RAB3D: variants seen among roughly 807,000 people sequenced by gnomAD.
RAB3D encodes RAB3D, member RAS oncogene family, also known as ras-related protein Rab-3D.
In RAB3D, 17 loss-of-function variants were observed where a neutral mutation model predicts 19.3. The ratio of observed to expected loss-of-function variants is 0.88; its 90% CI spans 0.60 to 1.32. The LOEUF (loss-of-function observed/expected upper bound fraction) is 1.32, where lower values mean the gene tolerates loss of function less well. RAB3D is among the 40% of genes most tolerant of loss of function. RAB3D has a pLI of 0.00. For synonymous variants in RAB3D, 103 were observed against 119.9 expected, an observed-to-expected ratio of 0.86 and a Z score of 0.92; for missense variants, 223 against 299.1, an observed-to-expected ratio of 0.75 and a Z score of 1.88.
In RAB3D at chr19:11,337,317, A is replaced by G. The variant is rs375338343; in HGVS notation, c.83T>C (p.Ile28Thr). ...AGTCTTGCCCACACTGCTGTTGCCT[A>G]TCAGTAGCAGTTTGAACATATAGTC... is the stretch of plus-strand genomic sequence containing the variant. ...NFDYMFKLLL[I>T]GNSSVGKTSF... The change falls in exon 2 of 5, where the codon ATA (isoleucine) becomes ACA (threonine). Residue 28 changes from isoleucine (I) to threonine (T), a missense_variant. Ile to Thr is a moderately conservative substitution (Grantham distance 89). Coordinates refer to ENST00000222120, the MANE Select transcript of RAB3D (RefSeq NM_004283.4). The G allele has an allele frequency of 2.5e-6, 4 of 1,614,166 alleles. No individual in the cohort carries two copies. The highest frequency in any genetic ancestry group is 3.3e-5 in the Admixed American group (2 of 59,998).
rs1014339594 is a variant in RAB3D at position 11,322,534 on chromosome 19, T to C, written c.*2864A>G. 1.3e-5 allele frequency: 2 copies of C among 152,176 alleles called. No homozygotes were observed. The highest frequency in any genetic ancestry group is 4.1e-4 in the South Asian group (2 of 4,830). The allele number at this position is 152,176 out of a possible 1,614,324, so 9.4% of individuals were successfully genotyped here. ...GGTTTTCCCACGGCCTTTGGTTTAA[T>C]GTGTCTGTAAACTCAACAAACCTCC... On this transcript the variant is annotated 3_prime_UTR_variant, in exon 5 of 5. Coordinates refer to ENST00000222120, the MANE Select transcript of RAB3D (RefSeq NM_004283.4).
chr19:11,336,026 G>A (rs1227548462), intron 2 of RAB3D, among the ~76,000 whole-genome samples: 1 of 152,198 alleles, frequency 6.6e-6, no homozygotes, highest in Admixed American at 6.5e-5. Context: ...ACTTGGGCTT[G>A]CCCTTGAGGG....
rs540858980 is a variant in RAB3D, at chr19:11,337,137, C to CCCA, written c.228+32_228+34dup. 1.9e-3 allele frequency: 3,048 copies of CCCA among 1,582,892 alleles called. 40 individuals carry two copies. In the South Asian group the frequency reaches 0.02, roughly 10 times the overall value. On this transcript the variant is annotated intron_variant, in intron 2 of 4. Transcript: ENST00000222120. ...CTCCAATGAACTTTCCTGGAGGGAC[C>CCCA]CCACCCCCAACCCACAGCCAGCCTC...
At chr19:11,328,053 G>T (rs867293888) in intron 4 of RAB3D, among the ~76,000 whole-genome samples, 10 of 151,708 alleles carry the variant, frequency 6.6e-5, no homozygotes, top group African/African-American at 2.4e-4. Flanking sequence ...AAAAATTAAG[G>T]CCAGGCATGG....
At chr19:11,337,122 C>A in intron 2 of RAB3D, 50 bp downstream of exon 2, 5 of 1,467,584 alleles carry the variant, frequency 3.4e-6, no homozygotes, top group Non-Finnish European at 3.8e-6. Flanking sequence ...CTCCAATGAA[C>A]TTTCCTGGAG....
At chr19:11,333,884 C>T (rs1437889092) in intron 4 of RAB3D, among the ~76,000 whole-genome samples, 1 of 151,466 alleles carries the variant, frequency 6.6e-6, no homozygotes, top group Non-Finnish European at 1.5e-5. Flanking sequence ...TTAGTAGAGA[C>T]GGGGTTTTGC....
chr19:11,331,390 TTA>T (rs1254173910), intron 4 of RAB3D, among the ~76,000 whole-genome samples: 1 of 146,574 alleles, frequency 6.8e-6, no homozygotes, highest in African/African-American at 2.7e-5. Context: ...CCATGTCATA[TTA>T]TTTTTTTTCA....
In RAB3D at chr19:11,323,119, A is replaced by C. The variant is rs945064953; in HGVS notation, c.*2279T>G. ...GAGCGACTCTCTGTCTTAAAAAAAA[A>C]AAAAACAAAAAAACCTCAGCAGGCC... On this transcript the variant is annotated 3_prime_UTR_variant, in exon 5 of 5. Coordinates refer to ENST00000222120, the MANE Select transcript of RAB3D (RefSeq NM_004283.4). 3 of 151,712 alleles carry C rather than the reference A, an allele frequency of 2.0e-5. No homozygotes were observed. Among genetic ancestry groups the C allele is most frequent in the Non-Finnish European group, 4.4e-5 (3 of 67,958 alleles). The allele number at this position is 151,712 out of a possible 1,614,324, so 9.4% of individuals were successfully genotyped here. A position where few individuals can be genotyped will look rare whatever the true frequency, so the allele number is the denominator to read the frequency against.
intron 4 of RAB3D, among the ~76,000 whole-genome samples, chr19:11,333,204 C>T (rs1014769730): frequency 6.6e-6 from 1 of 151,828 alleles, no homozygotes; most frequent in South Asian, 2.1e-4. Flanking sequence ...CTCAGCCTCC[C>T]GAGAAGCTGG....
Position 11,337,402 on chromosome 19 carries a change from T to C in RAB3D, c.-3A>G, listed in dbSNP as rs369275120. ...TGGGTGTCTCCAGCTGATGCCATCT[T>C]GGCACAAGCCTCCTGGGACAGGGAG... On this transcript the variant is annotated 5_prime_UTR_variant, in exon 2 of 5. Transcript: ENST00000222120. 5.1e-5 allele frequency: 83 copies of C among 1,612,906 alleles called. No homozygotes were observed. In the African/African-American group the frequency reaches 1.1e-3, roughly 20 times the overall value.
intron 4 of RAB3D, among the ~76,000 whole-genome samples, chr19:11,328,628 A>G (rs961389627): frequency 6.6e-6 from 1 of 151,956 alleles, no homozygotes; most frequent in African/African-American, 2.4e-5. Context: ...GCCTGGCAAC[A>G]GAGCAAGACT....
At chr19:11,334,626 G>A (rs777319349) in intron 4 of RAB3D, among the ~76,000 whole-genome samples, 2 of 150,898 alleles carry the variant, frequency 1.3e-5, no homozygotes, top group Admixed American at 6.6e-5. Flanking sequence ...CTATCTCCAC[G>A]CAAAATTAAA....
intron 2 of RAB3D, among the ~76,000 whole-genome samples, chr19:11,336,489 T>G (rs1241824471): frequency 6.6e-6 from 1 of 151,956 alleles, no homozygotes; most frequent in Non-Finnish European, 1.5e-5. Flanking sequence ...TTAAAGTTTT[T>G]TTTAGAGATG....
chr19:11,331,032 T>A lies in RAB3D; in HGVS notation c.472+4415A>T, dbSNP rs575162397. 1.2e-3 allele frequency among the ~76,000 whole-genome samples: 183 copies of A among 149,350 alleles called. 1 individual carries two copies. Among genetic ancestry groups the A allele is most frequent in the African/African-American group, 3.8e-3 (152 of 40,206 alleles). ...CCTTGCCTCAAAAAAAAAAAAAAAA[T>A]TTAAAAAATAAATGGTTGGGAGGTT... On this transcript the variant is annotated intron_variant, in intron 4 of 4. Transcript: ENST00000222120.
At chr19:11,334,526 T>G (rs1185495098) in intron 4 of RAB3D, among the ~76,000 whole-genome samples, 2 of 151,700 alleles carry the variant, frequency 1.3e-5, no homozygotes, top group Non-Finnish European at 2.9e-5. Context: ...TGGTGGCTCA[T>G]GCCTGCAATC....
rs2080850731 is a variant in RAB3D, at chr19:11,335,750, T to C, written c.262A>G (p.Thr88Ala). The C allele has an allele frequency of 6.2e-7, 1 of 1,614,174 alleles. No individual in the cohort carries two copies. The highest frequency in any genetic ancestry group is 2.2e-5 in the East Asian group (1 of 44,872). Reference sequence around the variant, plus strand: ...ATGGCTCCCCGGTAGTAGGCCGTGGTGATGGTGCGGTAGCGCTCCTGGCCC... The same window carrying C: ...ATGGCTCCCCGGTAGTAGGCCGTGGCGATGGTGCGGTAGCGCTCCTGGCCC... ...TAGQERYRTITTAYYRGAMGF... is the reference protein window; with the variant it reads ...TAGQERYRTIATAYYRGAMGF... The change falls in exon 3 of 5, where the codon ACC (threonine) becomes GCC (alanine). Residue 88 changes from threonine (T) to alanine (A), a missense_variant. Coordinates refer to ENST00000222120, the MANE Select transcript of RAB3D (RefSeq NM_004283.4).
chr19:11,334,961 G>A (rs1227013142), intron 4 of RAB3D, among the ~76,000 whole-genome samples: 2 of 152,128 alleles, frequency 1.3e-5, no homozygotes, highest in East Asian at 3.9e-4. Context: ...AGCTTGCAGT[G>A]AGCCGAGATC....
At chr19:11,328,137 C>G (rs1257649032) in intron 4 of RAB3D, among the ~76,000 whole-genome samples, 1 of 151,160 alleles carries the variant, frequency 6.6e-6, no homozygotes, top group Non-Finnish European at 1.5e-5. Flanking sequence ...AGTTTGAGAC[C>G]AGCCTGGCCA....
At chr19:11,330,153 C>T (rs1224897454) in intron 4 of RAB3D, among the ~76,000 whole-genome samples, 2 of 152,112 alleles carry the variant, frequency 1.3e-5, no homozygotes, top group Non-Finnish European at 2.9e-5. Flanking sequence ...GGGCCCTGCC[C>T]CACAGAACAG....
Sources: gnomAD v4.1 joint callset for allele counts (sites outside exome capture counted in the v4.1 genomes callset) on GRCh38, gnomAD v4.1.1 for gene constraint, MANE v1.5 for transcripts, NCBI Gene and HGNC (gene_info 2026-07-23, HGNC 2026-07-21) for gene names.